The following NF1 variants were observed in gnomAD, a reference collection of about 807,000 sequenced individuals.
NF1 encodes neurofibromin.
NF1 carries 122 observed loss-of-function variants against 325.7 expected under a neutral mutation model. The observed-to-expected ratio is 0.37, with a 90% CI of 0.32 to 0.44. The LOEUF is 0.44. Among genes scored for constraint, NF1 ranks in the 20% least tolerant of loss-of-function variants. NF1 has a pLI of 1.00. For missense variants in NF1, 2,140 were observed against 3,415.4 expected (o/e 0.63, Z 9.31); for synonymous variants, 1,091 against 1,186.0 (o/e 0.92, Z 1.65).
intron 51 of NF1, among the ~76,000 whole-genome samples, chr17:31,355,371 T>A (rs1250539312): frequency 3.9e-5 from 6 of 152,186 alleles, no homozygotes; most frequent in Admixed American, 3.9e-4. Context: ...CATGGCTTCA[T>A]CAGTGTACAT....
At chr17:31,195,829 C>T (rs560140455) in intron 8 of NF1, among the ~76,000 whole-genome samples, 1 of 151,976 alleles carries the variant, frequency 6.6e-6, no homozygotes, top group African/African-American at 2.4e-5. Flanking sequence ...TATCTAAATT[C>T]ATCTGCCAAT....
chr17:31,179,207 C>T lies in NF1; in HGVS notation c.587-2215C>T, dbSNP rs1016976878. On this transcript the variant is annotated intron_variant, in intron 5 of 57. Coordinates refer to ENST00000358273, the MANE Select transcript of NF1 (RefSeq NM_001042492.3). ...CAAACTAGAACTCAGGATTAAGGAA[C>T]TCACTCTAAACCACACAACTACATG... Among the ~76,000 whole-genome samples the T allele has an allele frequency of 5.1e-4, 78 of 152,212 alleles. 1 individual carries two copies. Among genetic ancestry groups the T allele is most frequent in the Admixed American group, 5.1e-3 (78 of 15,286 alleles).
chr17:31,282,879 A>G (rs2068148312), intron 36 of NF1, among the ~76,000 whole-genome samples: 1 of 152,236 alleles, frequency 6.6e-6, no homozygotes, highest in African/African-American at 2.4e-5. Context: ...CATTGCTACC[A>G]GCAGTGAATG....
At chr17:31,114,790 G>A (rs746602092) in intron 1 of NF1, among the ~76,000 whole-genome samples, 1 of 152,142 alleles carries the variant, frequency 6.6e-6, no homozygotes, top group Middle Eastern at 3.4e-3. Context: ...GGAGGTGGAA[G>A]TTGCAGTGAG....
At chr17:31,099,328 A>G (rs1912086415) in intron 1 of NF1, among the ~76,000 whole-genome samples, 1 of 152,200 alleles carries the variant, frequency 6.6e-6, no homozygotes, top group South Asian at 2.1e-4. Flanking sequence ...GTAATATAAA[A>G]TTCCTTAACC....
At chr17:31,318,335 T>G in intron 36 of NF1, 2 of 1,610,314 alleles carry the variant, frequency 1.2e-6, no homozygotes, top group Non-Finnish European at 1.7e-6. Flanking sequence ...AGTTTTTCAG[T>G]TCCTTCTTCA....
chr17:31,324,940 A>T (rs1016302734), intron 36 of NF1, among the ~76,000 whole-genome samples: 1 of 152,212 alleles, frequency 6.6e-6, no homozygotes, highest in Admixed American at 6.5e-5. Context: ...TTATCACCAG[A>T]ATCATCACAT....
intron 23 of NF1, 67 bp from the exon 24 acceptor site, chr17:31,230,775 G>T: frequency 8.3e-7 from 1 of 1,201,344 alleles, no homozygotes; most frequent in South Asian, 1.3e-5. Context: ...AATCTTACGT[G>T]ACTAAAGGTG....
At chr17:31,191,221 C>G (rs1423848352) in intron 8 of NF1, among the ~76,000 whole-genome samples, 1 of 151,954 alleles carries the variant, frequency 6.6e-6, no homozygotes, top group African/African-American at 2.4e-5. Context: ...TCCATAGATA[C>G]AAATGTTGAA....
chr17:31,332,129 A>G (rs1369632480), intron 39 of NF1, among the ~76,000 whole-genome samples: 2 of 152,056 alleles, frequency 1.3e-5, no homozygotes, highest in South Asian at 2.1e-4. Context: ...GAAGATAATT[A>G]AAAACTAGGA....
chr17:31,108,480 T>A (rs1913093140), intron 1 of NF1, among the ~76,000 whole-genome samples: 1 of 152,052 alleles, frequency 6.6e-6, no homozygotes, highest in Admixed American at 6.6e-5. Context: ...TTTGTCATAT[T>A]GTGCAGGTTG....
intron 36 of NF1, chr17:31,304,922 T>G (rs1427115399): frequency 6.2e-7 from 1 of 1,614,168 alleles, no homozygotes; most frequent in Admixed American, 1.7e-5. Context: ...AAAACTGGTT[T>G]CCTTAAGCAT....
intron 57 of NF1, among the ~76,000 whole-genome samples, chr17:31,361,976 C>A (rs1016630684): frequency 6.6e-6 from 1 of 152,056 alleles, no homozygotes; most frequent in African/African-American, 2.4e-5. Context: ...CTTTTTTTCC[C>A]ATGTAACAAG....
At chr17:31,169,821 C>T (rs544112978) in intron 4 of NF1, 70 bp from the exon 5 acceptor site, 8 of 1,080,476 alleles carry the variant, frequency 7.4e-6, no homozygotes, top group African/African-American at 6.2e-5. Context: ...GCTGGGATTA[C>T]AGGTGTGAGA....
At chr17:31,269,008 ATTT>A (rs111463785) in intron 36 of NF1, among the ~76,000 whole-genome samples, 1 of 148,164 alleles carries the variant, frequency 6.7e-6, no homozygotes, top group Admixed American at 6.8e-5. Flanking sequence ...ACCTGGCCTA[ATTT>A]TTTTTTTTAG....
chr17:31,205,138 A>G (rs1020002010), intron 11 of NF1, among the ~76,000 whole-genome samples: 1 of 152,138 alleles, frequency 6.6e-6, no homozygotes, highest in African/African-American at 2.4e-5. Context: ...TTTGTAATCC[A>G]CAGTTTGGGT....
At chr17:31,235,582 G>T (rs2151437616) in intron 27 of NF1, 29 bp from the exon 28 acceptor site, 1 of 1,612,902 alleles carries the variant, frequency 6.2e-7, no homozygotes. Context: ...GGGATTGTTT[G>T]CACTAACCTG....
intron 36 of NF1, among the ~76,000 whole-genome samples, chr17:31,302,767 C>T (rs1264373416): frequency 1.3e-5 from 2 of 152,064 alleles, no homozygotes; most frequent in Non-Finnish European, 2.9e-5. Context: ...ACCCCTTTAA[C>T]GTGGGAGGCG....
intron 29 of NF1, among the ~76,000 whole-genome samples, chr17:31,247,571 G>C (rs1317162123): frequency 6.6e-6 from 1 of 152,184 alleles, no homozygotes; most frequent in Admixed American, 6.5e-5. Context: ...GATTGGAGGG[G>C]AATAAGAATT....
Sources: gnomAD v4.1 joint callset for allele counts (sites outside exome capture counted in the v4.1 genomes callset) on GRCh38, gnomAD v4.1.1 for gene constraint, MANE v1.5 for transcripts, NCBI Gene and HGNC (gene_info 2026-07-23, HGNC 2026-07-21) for gene names.